Variants in IP6K2 observed in about 807,000 individuals in gnomAD.
The protein encoded by IP6K2 is ATP:1D-myo-inositol-hexakisphosphate phosphotransferase.
In IP6K2, 9 loss-of-function variants were observed where a neutral mutation model predicts 43.3. That is an observed-to-expected ratio of 0.21 (90% CI 0.13 to 0.36). The LOEUF (loss-of-function observed/expected upper bound fraction) is 0.36, where lower values mean the gene tolerates loss of function less well. Ranked by LOEUF, IP6K2 falls within the 10% of genes least tolerant of loss-of-function variation. IP6K2 has a pLI of 1.00. For synonymous variants in IP6K2, 209 were observed against 202.4 expected, an observed-to-expected ratio of 1.03 and a Z score of -0.28; for missense variants, 332 against 538.4, an observed-to-expected ratio of 0.62 and a Z score of 3.79.
At chr3:48,707,706 G>A (rs2079976115) in intron 1 of IP6K2, among the ~76,000 whole-genome samples, 1 of 152,130 alleles carries the variant, frequency 6.6e-6, no homozygotes, top group African/African-American at 2.4e-5. Flanking sequence ...CCAAAGTGCT[G>A]GGATTACAGG....
intron 2 of IP6K2, chr3:48,694,787 C>A (rs1277493414): frequency 2.0e-6 from 3 of 1,535,792 alleles, no homozygotes; most frequent in East Asian, 2.4e-5. Context: ...CACCGTCCCC[C>A]CAGTGGGGGA....
chr3:48,704,315 A>G (rs1196203910), intron 1 of IP6K2, among the ~76,000 whole-genome samples: 1 of 152,184 alleles, frequency 6.6e-6, no homozygotes, highest in Non-Finnish European at 1.5e-5. Context: ...GACATCTATC[A>G]TCCTTGATGA....
intron 1 of IP6K2, among the ~76,000 whole-genome samples, chr3:48,712,791 C>A (rs1019957565): frequency 6.6e-6 from 1 of 151,748 alleles, no homozygotes; most frequent in Non-Finnish European, 1.5e-5. Context: ...CCAGAGTGGG[C>A]GGATCACTTG....
chr3:48,693,948 T>C (rs1453486327), intron 2 of IP6K2: 5 of 1,364,532 alleles, frequency 3.7e-6, no homozygotes, highest in Non-Finnish European at 4.7e-6. Context: ...AGGATGGGGC[T>C]GTCAGGTGGG....
At chr3:48,706,217 G>A (rs1422720503) in intron 1 of IP6K2, among the ~76,000 whole-genome samples, 3 of 151,958 alleles carry the variant, frequency 2.0e-5, no homozygotes, top group South Asian at 2.1e-4. Flanking sequence ...CAAAAAAAAA[G>A]AGGCCAAGAC....
At chr3:48,712,061 CCAAA>C (rs2080586542) in intron 1 of IP6K2, among the ~76,000 whole-genome samples, 1 of 151,964 alleles carries the variant, frequency 6.6e-6, no homozygotes, top group Non-Finnish European at 1.5e-5. Flanking sequence ...AGGTTAATCC[CCAAA>C]CAAATGTGGC....
chr3:48,715,431 T>G, intron 1 of IP6K2: 1 of 1,536,154 alleles, frequency 6.5e-7, no homozygotes, highest in South Asian at 1.2e-5. Context: ...CTGGCAAAGG[T>G]TCATCAGTCA....
intron 2 of IP6K2, chr3:48,693,393 A>C: frequency 8.4e-7 from 1 of 1,196,976 alleles, no homozygotes; most frequent in Non-Finnish European, 1.2e-6. Context: ...CATGGCTGAG[A>C]GTCTTCCTCT....
At chr3:48,694,013 C>CG in intron 2 of IP6K2, 1 of 1,391,758 alleles carries the variant, frequency 7.2e-7, no homozygotes, top group Non-Finnish European at 9.3e-7. Flanking sequence ...GAACACCTTT[C>CG]CTCCCAGGCC....
intron 3 of IP6K2, among the ~76,000 whole-genome samples, chr3:48,691,887 T>C (rs1019649030): frequency 6.6e-6 from 1 of 152,202 alleles, no homozygotes; most frequent in Non-Finnish European, 1.5e-5. Context: ...GTTTCGCTCT[T>C]ATTGCCCAGG....
At chr3:48,700,409 G>A (rs1379738077) in intron 1 of IP6K2, among the ~76,000 whole-genome samples, 1 of 152,142 alleles carries the variant, frequency 6.6e-6, no homozygotes, top group African/African-American at 2.4e-5. Flanking sequence ...GAAAATTAAT[G>A]GTTACGATAA....
At chr3:48,693,412 C>T (rs1280905238) in intron 2 of IP6K2, 3 of 1,294,826 alleles carry the variant, frequency 2.3e-6, no homozygotes, top group Non-Finnish European at 3.2e-6. Context: ...CTCTGATGTA[C>T]TCAACGAGGC....
intron 1 of IP6K2, among the ~76,000 whole-genome samples, chr3:48,711,800 C>A (rs150084733): frequency 6.6e-6 from 1 of 152,272 alleles, no homozygotes; most frequent in Middle Eastern, 3.4e-3. Flanking sequence ...ATTCCTCGGT[C>A]AAGTATACTA....
Position 48,704,611 on chromosome 3 carries a change from A to T in IP6K2, c.-130-9190T>A, listed in dbSNP as rs540733979. 3.4e-4 allele frequency among the ~76,000 whole-genome samples: 52 copies of T among 152,104 alleles called. No individual in the cohort carries two copies. In the South Asian group the frequency reaches 3.5e-3, roughly 10 times the overall value. ...AGCTTCCCAAGTTGCTGGGACAGCT[A>T]TAGGCACACGCCACCATATCTGGCT... On this transcript the variant is annotated intron_variant, in intron 1 of 5. Transcript: ENST00000328631.
chr3:48,711,343 T>G (rs762681731), intron 1 of IP6K2: 2 of 152,166 alleles, frequency 1.3e-5, no homozygotes, highest in Non-Finnish European at 1.5e-5. Context: ...GCCTTCCCAG[T>G]GTAAATGCAG....
intron 1 of IP6K2, among the ~76,000 whole-genome samples, chr3:48,706,805 A>T (rs1206556518): frequency 6.6e-6 from 1 of 152,008 alleles, no homozygotes; most frequent in South Asian, 2.1e-4. Context: ...ACAAAATGAG[A>T]CCCTGTCCCC....
At chr3:48,714,715 T>A (rs1260907476) in intron 1 of IP6K2, among the ~76,000 whole-genome samples, 1 of 151,926 alleles carries the variant, frequency 6.6e-6, no homozygotes, top group Non-Finnish European at 1.5e-5. Context: ...CTTTAAAAGG[T>A]AGGGCAGGCC....
chr3:48,689,747 GTGCTAC>G, intron 4 of IP6K2, 34 bp from the exon 5 acceptor site: 3 of 1,591,422 alleles, frequency 1.9e-6, no homozygotes, highest in Non-Finnish European at 2.6e-6. Context: ...CCAAAAGGAA[GTGCTAC>G]TGCATGGGTC....
chr3:48,702,240 T>A (rs1339582517), intron 1 of IP6K2, among the ~76,000 whole-genome samples: 3 of 151,862 alleles, frequency 2.0e-5, no homozygotes, highest in African/African-American at 4.8e-5. Flanking sequence ...CAAAAAAAAA[T>A]AAAATAAAGC....
Sources: allele counts gnomAD v4.1 joint callset (sites outside exome capture counted in the v4.1 genomes callset), GRCh38; gene constraint gnomAD v4.1.1; transcripts MANE v1.5; gene names NCBI Gene and HGNC (gene_info 2026-07-23, HGNC 2026-07-21).